Variants in ETV6 observed in about 807,000 individuals in gnomAD.
The protein encoded by ETV6 is transcription factor ETV6.
ETV6 carries 16 observed loss-of-function variants against 51.1 expected under a neutral mutation model. That is an observed-to-expected ratio of 0.31 (90% CI 0.21 to 0.48). The LOEUF (loss-of-function observed/expected upper bound fraction) is 0.48, where lower values mean the gene tolerates loss of function less well. Among genes scored for constraint, ETV6 ranks in the 20% least tolerant of loss-of-function variants. The pLI is 0.99. For synonymous variants in ETV6, 240 were observed against 224.1 expected, an observed-to-expected ratio of 1.07 and a Z score of -0.64; for missense variants, 458 against 594.8, an observed-to-expected ratio of 0.77 and a Z score of 2.39.
At chr12:11,674,023 C>T (rs1048333395) in intron 1 of ETV6, among the ~76,000 whole-genome samples, 1 of 152,196 alleles carries the variant, frequency 6.6e-6, no homozygotes, top group Non-Finnish European at 1.5e-5. Context: ...AGAATGACCT[C>T]CATCCCACCT....
chr12:11,893,285 A>G lies in ETV6; in HGVS notation c.*2239A>G, dbSNP rs953955559. Reference sequence around the variant, plus strand: ...ATATGAAATCAGAGACCAGGGCATGATGTTGCTAGGATTAGAGCCTCTCAG... The same window carrying G: ...ATATGAAATCAGAGACCAGGGCATGGTGTTGCTAGGATTAGAGCCTCTCAG... On this transcript the variant is annotated 3_prime_UTR_variant, in exon 8 of 8. Transcript: ENST00000396373. 4.3e-6 allele frequency: 1 copy of G among 232,558 alleles called. No homozygotes were observed. The highest frequency in any genetic ancestry group is 2.2e-5 in the African/African-American group (1 of 45,298). The allele number at this position is 232,558 out of a possible 1,614,324, so 14.4% of individuals were successfully genotyped here. A position where few individuals can be genotyped will look rare whatever the true frequency, so the allele number is the denominator to read the frequency against.
chr12:11,891,155 C>T lies in ETV6; in HGVS notation c.*109C>T, dbSNP rs1676194502. 3 of 830,258 alleles carry T rather than the reference C, an allele frequency of 3.6e-6. No individual in the cohort carries two copies. The highest frequency in any genetic ancestry group is 3.9e-6 in the Non-Finnish European group (2 of 511,170). 51.4% of individuals were successfully genotyped at this position (830,258 alleles called of 1,614,324 possible). On this transcript the variant is annotated 3_prime_UTR_variant, in exon 8 of 8. Transcript: ENST00000396373. ...GGGCTGAGGAGAGTGGAAAAGGAAGCGACCCAGAAATGGCAGGGACACTTC... is the reference window on the plus strand; with the variant it reads ...GGGCTGAGGAGAGTGGAAAAGGAAGTGACCCAGAAATGGCAGGGACACTTC...
chr12:11,893,646 T>G lies in ETV6; in HGVS notation c.*2600T>G, dbSNP rs1013610448. On this transcript the variant is annotated 3_prime_UTR_variant, in exon 8 of 8. Transcript: ENST00000396373. ...CCACACCTAACAAACACATTTGCTT[T>G]CTTATGGTTCAATGTACACAAACTG... is the stretch of plus-strand genomic sequence containing the variant. The G allele has an allele frequency of 4.3e-6, 1 of 231,000 alleles. No individual in the cohort carries two copies. The highest frequency in any genetic ancestry group is 8.6e-6 in the Non-Finnish European group (1 of 116,896). 14.3% of individuals were successfully genotyped at this position (231,000 alleles called of 1,614,324 possible).
intron 1 of ETV6, among the ~76,000 whole-genome samples, chr12:11,725,531 A>G (rs1285170446): frequency 6.6e-5 from 10 of 152,108 alleles, no homozygotes; most frequent in Admixed American, 5.2e-4. Context: ...TTCTTTTCCC[A>G]TAGGATTTAC....
In ETV6 at chr12:11,871,426, G is replaced by A. The variant is rs142559056; in HGVS notation, c.1009+1457G>A. On this transcript the variant is annotated intron_variant, in intron 5 of 7. Coordinates refer to ENST00000396373, the MANE Select transcript of ETV6 (RefSeq NM_001987.5). ...AGGATGGTCTTGATCTCCTGACCTCGCGATCCGCCTGCGTCGGCCTCCTAA... is the reference window on the plus strand; with the variant it reads ...AGGATGGTCTTGATCTCCTGACCTCACGATCCGCCTGCGTCGGCCTCCTAA... Among the ~76,000 whole-genome samples, 143 of 152,070 alleles carry A rather than the reference G, an allele frequency of 9.4e-4. 1 individual carries two copies. In the East Asian group the frequency reaches 0.02, roughly 21 times the overall value.
At chr12:11,868,438 C>CTTTTTT (rs71057775) in intron 4 of ETV6, among the ~76,000 whole-genome samples, 1 of 127,976 alleles carries the variant, frequency 7.8e-6, no homozygotes, top group African/African-American at 2.9e-5. Flanking sequence ...CTTTTTTCTT[C>CTTTTTT]TTTTTTTTTT....
In ETV6 at chr12:11,765,001, C is replaced by T. The variant is rs115633943; in HGVS notation, c.163+12422C>T. 5.2e-3 allele frequency among the ~76,000 whole-genome samples: 792 copies of T among 152,262 alleles called. 5 individuals carry two copies. Among genetic ancestry groups the T allele is most frequent in the African/African-American group, 0.018 (742 of 41,532 alleles). On this transcript the variant is annotated intron_variant, in intron 2 of 7. Transcript: ENST00000396373. ...TTGCCTTCCAATAGAAGCCAAAGCCCTATTGCCTAATCTCTTCACTTTAAG... is the reference window on the plus strand; with the variant it reads ...TTGCCTTCCAATAGAAGCCAAAGCCTTATTGCCTAATCTCTTCACTTTAAG...
intron 2 of ETV6, among the ~76,000 whole-genome samples, chr12:11,782,522 G>A (rs565412403): frequency 2.0e-4 from 31 of 152,102 alleles, no homozygotes; most frequent in African/African-American, 7.0e-4. Flanking sequence ...TGTTTTCTGC[G>A]ACTGCACATT....
chr12:11,852,309 A>G (rs759976897), intron 3 of ETV6, among the ~76,000 whole-genome samples: 25 of 152,380 alleles, frequency 1.6e-4, no homozygotes, highest in Middle Eastern at 3.4e-3. Context: ...TCCTCTGGCA[A>G]TGGCCTGACA....
chr12:11,845,530 C>G (rs1555141737), intron 3 of ETV6, among the ~76,000 whole-genome samples: 3 of 152,242 alleles, frequency 2.0e-5, no homozygotes, highest in South Asian at 2.1e-4. Context: ...ACAACCTGTT[C>G]CTTTTTTCTC....
At chr12:11,715,616 A>C (rs1865259495) in intron 1 of ETV6, among the ~76,000 whole-genome samples, 1 of 152,236 alleles carries the variant, frequency 6.6e-6, no homozygotes, top group Non-Finnish European at 1.5e-5. Flanking sequence ...CTGCTTTCCT[A>C]ATCAGTACTC....
chr12:11,889,122 G>A (rs1947249917), intron 7 of ETV6, among the ~76,000 whole-genome samples: 1 of 152,068 alleles, frequency 6.6e-6, no homozygotes, highest in African/African-American at 2.4e-5. Context: ...TGGTTTGGGG[G>A]GCCAAGCATA....
chr12:11,787,555 T>C (rs949348343), intron 2 of ETV6, among the ~76,000 whole-genome samples: 1 of 152,168 alleles, frequency 6.6e-6, no homozygotes, highest in African/African-American at 2.4e-5. Flanking sequence ...GGAGTACTGC[T>C]CTAGAGTAAG....
At chr12:11,882,459 T>A (rs1947111464) in intron 5 of ETV6, among the ~76,000 whole-genome samples, 1 of 152,134 alleles carries the variant, frequency 6.6e-6, no homozygotes, top group Admixed American at 6.5e-5. Context: ...ATAAGCTGTG[T>A]CCTCCTGAGT....
At chr12:11,776,271 T>C (rs1166067369) in intron 2 of ETV6, among the ~76,000 whole-genome samples, 2 of 150,730 alleles carry the variant, frequency 1.3e-5, no homozygotes, top group Non-Finnish European at 2.9e-5. Context: ...AATGTCCCAG[T>C]ATGGAGACCT....
chr12:11,880,199 C>T (rs1260521771), intron 5 of ETV6, among the ~76,000 whole-genome samples: 1 of 152,232 alleles, frequency 6.6e-6, no homozygotes, highest in Non-Finnish European at 1.5e-5. Context: ...ATTCCTATTG[C>T]TGTCTCCGTT....
At chr12:11,689,610 C>CT (rs35114426) in intron 1 of ETV6, among the ~76,000 whole-genome samples, 56,379 of 150,878 alleles carry the variant, frequency 0.37, 11,073 homozygotes, top group East Asian at 0.54. Context: ...AACTCCCTAG[C>CT]TTTTTTTAAA....
intron 2 of ETV6, among the ~76,000 whole-genome samples, chr12:11,807,745 C>T (rs1945850130): frequency 6.6e-6 from 1 of 152,168 alleles, no homozygotes; most frequent in Non-Finnish European, 1.5e-5. Context: ...AAACAGGATG[C>T]ACCTGTCTAG....
intron 2 of ETV6, among the ~76,000 whole-genome samples, chr12:11,800,095 G>A (rs1194918008): frequency 1.3e-5 from 2 of 152,126 alleles, no homozygotes; most frequent in Non-Finnish European, 2.9e-5. Context: ...ATTTACATCT[G>A]ATAATATATA....
Sources: gnomAD v4.1 joint callset for allele counts (sites outside exome capture counted in the v4.1 genomes callset) on GRCh38, gnomAD v4.1.1 for gene constraint, MANE v1.5 for transcripts, NCBI Gene and HGNC (gene_info 2026-07-23, HGNC 2026-07-21) for gene names.